The following CLEC12B variants were observed in gnomAD, a reference collection of about 807,000 sequenced individuals.
CLEC12B encodes the protein C-type lectin domain family 12 member B, also known as macrophage antigen h.
CLEC12B carries 25 observed loss-of-function variants against 36.1 expected under a neutral mutation model. The observed-to-expected ratio is 0.69, with a 90% CI of 0.50 to 0.97. The LOEUF (loss-of-function observed/expected upper bound fraction) is 0.97, where lower values mean the gene tolerates loss of function less well. Among genes scored for constraint, CLEC12B ranks in the 50% least tolerant of loss-of-function variants. CLEC12B has a pLI of 0.00. For missense variants in CLEC12B, 325 were observed against 318.4 expected (o/e 1.02, Z -0.16); for synonymous variants, 110 against 108.5 (o/e 1.01, Z -0.09).
At position 10,010,836 on chromosome 12, in the gene CLEC12B, A is replaced by C. The variant is rs768636897; in HGVS notation, c.77A>C (p.Asn26Thr). Residue 26 changes from asparagine to threonine, a missense_variant, in exon 1 of 6, where the codon AAC (asparagine) becomes ACC (threonine). Physicochemically the swap from Asn to Thr is moderately conservative, Grantham distance 65. Transcript: ENST00000338896. ...GCAAGGAATAACCGAGATGGAAATA[A>C]CCTAAGAAAAAGAGGTAGGAGTTCA... ...AGARNNRDGN[N>T]LRKRGHPAPS... The C allele has an allele frequency of 6.2e-7, 1 of 1,610,140 alleles. No homozygotes were observed. The highest frequency in any genetic ancestry group is 1.1e-5 in the South Asian group (1 of 90,914).
intron 3 of CLEC12B, among the ~76,000 whole-genome samples, chr12:10,015,025 G>A (rs944447554): frequency 2.6e-5 from 4 of 152,084 alleles, no homozygotes; most frequent in African/African-American, 9.7e-5. Flanking sequence ...AAGCTTAAAG[G>A]CATAGCTGGT....
Position 10,015,647 on chromosome 12 carries a change from G to T in CLEC12B, c.600G>T (p.Ser200=). 5 of 1,613,538 alleles carry T rather than the reference G, an allele frequency of 3.1e-6. No individual in the cohort carries two copies. Among genetic ancestry groups the T allele is most frequent in the Non-Finnish European group, 4.2e-6 (5 of 1,179,668 alleles). ...TGTCACAGCCATTACTCATGTTTTC[G>T]TTCTTTTGGCTGGGATTATCATGGG... is the stretch of plus-strand genomic sequence containing the variant. ...FLMSQPLLMF[S]FFWLGLSWDS... Residue 200 remains serine, a synonymous_variant, in exon 5 of 6, where the codon TCG becomes TCT. Coordinates refer to ENST00000338896, the MANE Select transcript of CLEC12B (RefSeq NM_001129998.3).
At chr12:10,011,104 G>A (rs753054853) in intron 1 of CLEC12B, among the ~76,000 whole-genome samples, 79 of 152,188 alleles carry the variant, frequency 5.2e-4, no homozygotes, top group Middle Eastern at 6.3e-3. Context: ...GCCAGAAATT[G>A]AGCTTGGGGA....
chr12:10,008,784 ATT>A (rs1865259690), upstream of CLEC12B, among the ~76,000 whole-genome samples: 1 of 152,232 alleles, frequency 6.6e-6, no homozygotes, highest in African/African-American at 2.4e-5. Flanking sequence ...GCTAAGCATC[ATT>A]TCATGGATAG....
chr12:10,007,143 A>G (rs751406226), upstream of CLEC12B, among the ~76,000 whole-genome samples: 4 of 152,176 alleles, frequency 2.6e-5, no homozygotes, highest in Admixed American at 2.0e-4. Flanking sequence ...TGGGAAGATC[A>G]TAGAGAAATT....
intron 5 of CLEC12B, chr12:10,017,195 A>C (rs1261271580): frequency 1.0e-6 from 1 of 985,242 alleles, no homozygotes; most frequent in Non-Finnish European, 1.2e-6. Flanking sequence ...ATTATTAATC[A>C]TATCAAGTCA....
intron 5 of CLEC12B, chr12:10,018,079 T>A: frequency 1.4e-6 from 1 of 704,712 alleles, no homozygotes; most frequent in Non-Finnish European, 1.8e-6. Flanking sequence ...AAATTCTCAG[T>A]CCAGGATTTA....
upstream of CLEC12B, among the ~76,000 whole-genome samples, chr12:10,008,745 A>G (rs555085796): frequency 7.5e-4 from 114 of 152,328 alleles, no homozygotes; most frequent in African/African-American, 2.7e-3. Flanking sequence ...ATAATTAGGA[A>G]TCAGGTGACA....
chr12:10,006,792 A>G (rs777503851), upstream of CLEC12B, among the ~76,000 whole-genome samples: 104 of 152,294 alleles, frequency 6.8e-4, no homozygotes, highest in Non-Finnish European at 1.2e-3. Context: ...GTGGTGGCTC[A>G]CGCCTGTAAT....
At chr12:10,017,060 C>A in intron 5 of CLEC12B, 1 of 985,162 alleles carries the variant, frequency 1.0e-6, no homozygotes, top group African/African-American at 1.7e-5. Flanking sequence ...CTCAGCAGTT[C>A]CTTAAATCAC....
intron 5 of CLEC12B, chr12:10,016,888 A>G: frequency 2.3e-5 from 15 of 652,640 alleles, no homozygotes; most frequent in Non-Finnish European, 2.9e-5. Flanking sequence ...ATCTAACAGA[A>G]TATTTGTATT....
At chr12:10,007,949 G>A (rs535185683), upstream of CLEC12B, among the ~76,000 whole-genome samples, 12 of 152,338 alleles carry the variant, frequency 7.9e-5, no homozygotes, top group Admixed American at 7.2e-4. Context: ...CAGTGAAGTT[G>A]CTATCTCAGT....
upstream of CLEC12B, among the ~76,000 whole-genome samples, chr12:10,006,386 A>T (rs1269333287): frequency 6.6e-6 from 1 of 152,146 alleles, no homozygotes; most frequent in Non-Finnish European, 1.5e-5. Context: ...TCAAGGCACG[A>T]ATCTATAAGA....
At chr12:10,017,587 C>G in intron 5 of CLEC12B, 1 of 985,632 alleles carries the variant, frequency 1.0e-6, no homozygotes, top group Non-Finnish European at 1.2e-6. Flanking sequence ...GTTAGAGAGA[C>G]TGAGCTTCCA....
chr12:10,007,161 C>G (rs1035580762), upstream of CLEC12B, among the ~76,000 whole-genome samples: 5 of 151,682 alleles, frequency 3.3e-5, no homozygotes, highest in African/African-American at 1.2e-4. Flanking sequence ...ATTTTTGAAC[C>G]CATTTGTTGT....
chr12:10,018,375 G>A lies in CLEC12B; in HGVS notation c.725G>A (p.Cys242Tyr). The A allele has an allele frequency of 6.5e-7, 1 of 1,535,732 alleles. No individual in the cohort carries two copies. Among genetic ancestry groups the A allele is most frequent in the Non-Finnish European group, 8.8e-7 (1 of 1,133,050 alleles). The change falls in exon 6 of 6, where the codon TGT becomes TAT. Residue 242 changes from cysteine to tyrosine, a missense_variant. By Grantham distance (194) the Cys-to-Tyr change is radical. Transcript: ENST00000338896. ...ELDQINGSKGCAYFQKGNIYI... is the reference protein window; with the variant it reads ...ELDQINGSKGYAYFQKGNIYI... ...GACCAGATCAATGGATCCAAAGGATGTGCTTATTTTCAAAAAGGAAATATT... is the reference window on the plus strand; with the variant it reads ...GACCAGATCAATGGATCCAAAGGATATGCTTATTTTCAAAAAGGAAATATT...
At chr12:10,012,989 G>A (rs1019697333) in intron 2 of CLEC12B, 106 bp downstream of exon 2, 1 of 827,676 alleles carries the variant, frequency 1.2e-6, no homozygotes, top group Non-Finnish European at 2.1e-6. Context: ...TGAATCGTCT[G>A]ATACTTTTCT....
At chr12:10,012,022 A>G (rs1427322301) in intron 1 of CLEC12B, among the ~76,000 whole-genome samples, 1 of 152,204 alleles carries the variant, frequency 6.6e-6, no homozygotes, top group Non-Finnish European at 1.5e-5. Context: ...ACAACCATTG[A>G]TATTTTAAAC....
intron 3 of CLEC12B, 86 bp from the exon 4 acceptor site, chr12:10,015,163 ATTG>A: frequency 9.1e-7 from 1 of 1,098,110 alleles, no homozygotes. Flanking sequence ...CTCAGTCCCT[ATTG>A]TTCAATTACA....
Sources: gnomAD v4.1 joint callset for allele counts (sites outside exome capture counted in the v4.1 genomes callset) on GRCh38, gnomAD v4.1.1 for gene constraint, MANE v1.5 for transcripts, NCBI Gene and HGNC (gene_info 2026-07-23, HGNC 2026-07-21) for gene names.